ROCK2: variants seen among roughly 807,000 people sequenced by gnomAD.
ROCK2 encodes the protein rho-associated protein kinase 2.
A neutral mutation model predicts 195.1 loss-of-function variants in ROCK2; 61 were observed. The ratio of observed to expected loss-of-function variants is 0.31; its 90% CI spans 0.25 to 0.39. The LOEUF is 0.39. Ranked by LOEUF, ROCK2 falls within the 10% of genes least tolerant of loss-of-function variation. The probability of loss-of-function intolerance (pLI) is 1.00; values close to 1 mark genes in which losing one functional copy is unlikely to be tolerated. For synonymous variants in ROCK2, 504 were observed against 545.5 expected, an observed-to-expected ratio of 0.92 and a Z score of 1.06; for missense variants, 1,109 against 1,637.4, an observed-to-expected ratio of 0.68 and a Z score of 5.57.
At chr2:11,240,023 A>C (rs1041208313) in intron 4 of ROCK2, among the ~76,000 whole-genome samples, 2 of 152,192 alleles carry the variant, frequency 1.3e-5, no homozygotes, top group Non-Finnish European at 2.9e-5. Context: ...ATAAAAGTGC[A>C]TTTCTCTCCT....
intron 3 of ROCK2, among the ~76,000 whole-genome samples, chr2:11,278,282 C>G (rs1666893049): frequency 6.6e-6 from 1 of 152,202 alleles, no homozygotes. Context: ...CTCAGCTTTT[C>G]TGGATTCCAC....
chr2:11,282,309 C>T (rs967155795), intron 3 of ROCK2, among the ~76,000 whole-genome samples: 3 of 152,076 alleles, frequency 2.0e-5, no homozygotes, highest in African/African-American at 7.2e-5. Flanking sequence ...CAGGATCACA[C>T]CCCTGCACTC....
intron 20 of ROCK2, 62 bp from the exon 21 acceptor site, chr2:11,202,183 A>G (rs1663877152): frequency 7.3e-7 from 1 of 1,367,034 alleles, no homozygotes; most frequent in Non-Finnish European, 1.0e-6. Context: ...AGCAGCTCTC[A>G]AAGTATGGTC....
intron 3 of ROCK2, among the ~76,000 whole-genome samples, chr2:11,283,896 T>C (rs372899710): frequency 7.2e-5 from 11 of 152,220 alleles, no homozygotes; most frequent in Admixed American, 7.2e-4. Context: ...GATCCAGCAA[T>C]CAAGATCCTT....
intron 1 of ROCK2, among the ~76,000 whole-genome samples, chr2:11,300,562 C>T (rs1036066062): frequency 1.3e-5 from 2 of 152,226 alleles, no homozygotes; most frequent in African/African-American, 4.8e-5. Context: ...CCACACCCGG[C>T]CAACAACTAT....
intron 3 of ROCK2, among the ~76,000 whole-genome samples, chr2:11,259,653 G>T (rs771212923): frequency 1.6e-5 from 1 of 62,866 alleles, no homozygotes; most frequent in Non-Finnish European, 3.7e-5. Flanking sequence ...TTGTGTAAAA[G>T]TATTAATTAG....
At chr2:11,298,469 C>CAAA (rs771356019) in intron 1 of ROCK2, among the ~76,000 whole-genome samples, 21 of 44,870 alleles carry the variant, frequency 4.7e-4, no homozygotes, top group South Asian at 7.6e-4. Context: ...GACTCCATCT[C>CAAA]AAAAAAAAAA....
chr2:11,322,497 AG>A (rs1471991578), intron 1 of ROCK2, among the ~76,000 whole-genome samples: 5 of 151,910 alleles, frequency 3.3e-5, no homozygotes, highest in African/African-American at 1.2e-4. Context: ...ATGCATTAGA[AG>A]AGCATCCATA....
intron 32 of ROCK2, chr2:11,184,876 T>C: frequency 1.9e-6 from 1 of 518,072 alleles, no homozygotes; most frequent in Non-Finnish European, 2.5e-6. Context: ...GCATTTTAAT[T>C]TTCCCTTCAT....
intron 1 of ROCK2, chr2:11,308,172 CA>C (rs1667922281): frequency 6.3e-7 from 1 of 1,598,716 alleles, no homozygotes; most frequent in South Asian, 1.1e-5. Context: ...CCAAGCTCAA[CA>C]CAATAATTCT....
intron 3 of ROCK2, among the ~76,000 whole-genome samples, chr2:11,271,952 G>A (rs991783543): frequency 4.0e-5 from 6 of 151,526 alleles, no homozygotes; most frequent in African/African-American, 4.9e-5. Context: ...CCCGACAGGC[G>A]GAGCTTGCAG....
intron 1 of ROCK2, among the ~76,000 whole-genome samples, chr2:11,291,814 T>C (rs1434040456): frequency 1.3e-5 from 2 of 152,092 alleles, no homozygotes; most frequent in Non-Finnish European, 2.9e-5. Flanking sequence ...TGATTATAGA[T>C]AAACAGAAAA....
Position 11,249,781 on chromosome 2 carries a change from C to A in ROCK2, c.342G>T (p.Ser114=). 1 of 1,537,530 alleles carries A rather than the reference C, an allele frequency of 6.5e-7. No homozygotes were observed. The highest frequency in any genetic ancestry group is 1.4e-5 in the South Asian group (1 of 72,286). ...GEVQLVRHKA[S]QKVYAMKLLS... ...GAAGCTTCATAGCATAAACCTTCTGCGATGCCTTGTGACGAACCTGTTGAT... is the reference window on the plus strand; with the variant it reads ...GAAGCTTCATAGCATAAACCTTCTGAGATGCCTTGTGACGAACCTGTTGAT... The change falls in exon 4 of 33, where the codon TCG becomes TCT. Residue 114 remains serine (S), a synonymous_variant. Transcript: ENST00000315872.
At chr2:11,275,420 G>C (rs530462805) in intron 3 of ROCK2, among the ~76,000 whole-genome samples, 2 of 152,158 alleles carry the variant, frequency 1.3e-5, no homozygotes, top group Non-Finnish European at 2.9e-5. Flanking sequence ...CAAAACTACA[G>C]GTAAGGGCAG....
intron 13 of ROCK2, 57 bp from the exon 14 acceptor site, chr2:11,215,702 C>G: frequency 7.1e-7 from 1 of 1,416,496 alleles, no homozygotes; most frequent in Non-Finnish European, 9.6e-7. Context: ...GAAATCAAAA[C>G]AAAAAATACT....
chr2:11,307,854 A>T (rs1041078619), intron 1 of ROCK2, among the ~76,000 whole-genome samples: 1 of 152,202 alleles, frequency 6.6e-6, no homozygotes, highest in Non-Finnish European at 1.5e-5. Context: ...ACAATACAAT[A>T]TAACAACTAT....
At chr2:11,253,100 G>T (rs975403989) in intron 3 of ROCK2, among the ~76,000 whole-genome samples, 1 of 152,036 alleles carries the variant, frequency 6.6e-6, no homozygotes, top group African/African-American at 2.4e-5. Flanking sequence ...ATTCCATCCA[G>T]TTGGTGCTCC....
rs761663153 is a variant in ROCK2 at position 11,207,941 on chromosome 2, A to G, written c.2365-31T>C. ...AAATAAATTGTGTACTTGGTATATA[A>G]GTAAATTATTTCCATTTTTCTAATC... On this transcript the variant is annotated intron_variant, in intron 19 of 32. Transcript: ENST00000315872. The G allele has an allele frequency of 5.8e-6, 8 of 1,390,964 alleles. No homozygotes were observed. In the Admixed American group the frequency reaches 1.8e-4, roughly 31 times the overall value. 86.2% of individuals were successfully genotyped at this position (1,390,964 alleles called of 1,614,324 possible).
intron 4 of ROCK2, among the ~76,000 whole-genome samples, chr2:11,243,221 G>A (rs567289690): frequency 1.3e-5 from 2 of 152,322 alleles, no homozygotes; most frequent in East Asian, 1.9e-4. Flanking sequence ...GACAACTGGT[G>A]AAAACCTGAT....
Sources: allele counts gnomAD v4.1 joint callset (sites outside exome capture counted in the v4.1 genomes callset), GRCh38; gene constraint gnomAD v4.1.1; transcripts MANE v1.5; gene names NCBI Gene and HGNC (gene_info 2026-07-23, HGNC 2026-07-21).